SPACA6: variants seen among roughly 807,000 people sequenced by gnomAD.
SPACA6 encodes the protein sperm acrosome associated 6, also known as sperm acrosome membrane-associated protein 6.
For synonymous variants in SPACA6, 6 were observed against 1.5 expected (o/e 4.05, Z -2.21); for missense variants, 8 against 2.8 (o/e 2.88, Z -1.34).
At chr19:51,712,425 T>G (rs2083546444), downstream of SPACA6, 1 of 152,170 alleles carries the variant, frequency 6.6e-6, no homozygotes, top group Non-Finnish European at 1.5e-5. Context: ...GAACAGTTGT[T>G]TACAGGGAAA....
chr19:51,696,726 G>A (rs1479878273), intron 2 of SPACA6, among the ~76,000 whole-genome samples: 1 of 152,154 alleles, frequency 6.6e-6, no homozygotes, highest in African/African-American at 2.4e-5. Flanking sequence ...TGGGATTACA[G>A]GCATGAACTA....
At chr19:51,710,611 G>A (rs1281951249) in intron 2 of SPACA6, among the ~76,000 whole-genome samples, 1 of 152,186 alleles carries the variant, frequency 6.6e-6, no homozygotes, top group Non-Finnish European at 1.5e-5. Flanking sequence ...TAAGGGCGAA[G>A]TCTGGTCTGA....
At chr19:51,683,613 C>A in the SPACA6 span, among the ~76,000 whole-genome samples, 3 of 152,164 alleles carry the variant, frequency 2.0e-5, no homozygotes, top group African/African-American at 7.2e-5. Flanking sequence ...ATATAAAATT[C>A]TGTGCATGTG....
At chr19:51,696,027 C>G (rs367891670) in intron 2 of SPACA6, among the ~76,000 whole-genome samples, 1 of 152,054 alleles carries the variant, frequency 6.6e-6, no homozygotes, top group Non-Finnish European at 1.5e-5. Flanking sequence ...TTTGAGGGGT[C>G]CCAGGGACGT....
At chr19:51,710,966 G>C (rs2083538654) in intron 2 of SPACA6, among the ~76,000 whole-genome samples, 1 of 152,218 alleles carries the variant, frequency 6.6e-6, no homozygotes, top group Non-Finnish European at 1.5e-5. Context: ...TGTAATCCCA[G>C]CTACTTGGGA....
chr19:51,702,348 C>G (rs1372070365), intron 3 of SPACA6, among the ~76,000 whole-genome samples: 1 of 151,570 alleles, frequency 6.6e-6, no homozygotes, highest in African/African-American at 2.4e-5. Context: ...ACCTGGATTG[C>G]CCATCCCCAT....
the SPACA6 span, among the ~76,000 whole-genome samples, chr19:51,683,091 C>T: frequency 1.3e-5 from 2 of 152,110 alleles, no homozygotes; most frequent in South Asian, 4.2e-4. Flanking sequence ...GATGTGGAGG[C>T]TAGAAGTTAG....
intron 2 of SPACA6, among the ~76,000 whole-genome samples, chr19:51,697,890 T>A (rs1462035023): frequency 6.6e-6 from 1 of 152,138 alleles, no homozygotes; most frequent in Non-Finnish European, 1.5e-5. Flanking sequence ...TTCTCTAATC[T>A]CCCCATGCCT....
chr19:51,687,590 G>A (rs1349289571), upstream of SPACA6: 1 of 152,006 alleles, frequency 6.6e-6, no homozygotes, highest in African/African-American at 2.4e-5. Context: ...AAATTCCTCT[G>A]GAAAGATACA....
At chr19:51,694,287 G>A (rs573524326) in intron 1 of SPACA6, 191 bp from the exon 2 acceptor site, 9 of 391,876 alleles carry the variant, frequency 2.3e-5, no homozygotes, top group Non-Finnish European at 3.6e-5. Context: ...GCGACTGGTC[G>A]GGGGCAGAGA....
At chr19:51,708,812 G>A (rs2083528353), downstream of SPACA6, among the ~76,000 whole-genome samples, 1 of 151,482 alleles carries the variant, frequency 6.6e-6, no homozygotes, top group Non-Finnish European at 1.5e-5. Context: ...GGGCAACAGA[G>A]TGAGACAATG....
chr19:51,698,611 C>A (rs1167307843), intron 2 of SPACA6, among the ~76,000 whole-genome samples: 1 of 152,164 alleles, frequency 6.6e-6, no homozygotes, highest in Admixed American at 6.5e-5. Flanking sequence ...CAAGGAGAGA[C>A]CACTGGGTCC....
At chr19:51,692,782 G>A (rs749103835), upstream of SPACA6, 2 of 534,246 alleles carry the variant, frequency 3.7e-6, no homozygotes, top group Non-Finnish European at 7.7e-6. The surrounding 1 kb of genome is among the most constrained non-coding windows in gnomAD (Gnocchi z 5.6). Context: ...CACCTGCCGC[G>A]CCCCCCGGGC....
downstream of SPACA6, among the ~76,000 whole-genome samples, chr19:51,710,330 T>A (rs985634070): frequency 5.9e-5 from 9 of 152,208 alleles, no homozygotes; most frequent in African/African-American, 2.2e-4. Context: ...TTTTGGTGAC[T>A]GATGAATCAA....
upstream of SPACA6, among the ~76,000 whole-genome samples, chr19:51,684,711 A>T (rs193038151): frequency 4.3e-3 from 659 of 152,326 alleles, 3 homozygotes; most frequent in Middle Eastern, 0.014. Flanking sequence ...TGATGAGCTT[A>T]AAAAAATTTG....
intron 2 of SPACA6, among the ~76,000 whole-genome samples, chr19:51,697,342 C>G (rs1246083862): frequency 6.6e-6 from 1 of 152,132 alleles, no homozygotes; most frequent in Admixed American, 6.5e-5. Flanking sequence ...TTGGACCAGT[C>G]ACAGTGGTCC....
chr19:51,700,108 G>T (rs560034630), intron 2 of SPACA6, among the ~76,000 whole-genome samples: 2 of 152,062 alleles, frequency 1.3e-5, no homozygotes, highest in East Asian at 1.9e-4. Flanking sequence ...ATAAAAATTC[G>T]CCGAGCATGG....
At position 51,705,103 on chromosome 19, in the gene SPACA6, T is replaced by G; in HGVS notation, c.955T>G (p.Trp319Gly). ...ATVLAWMFFR[W>G]YCSGN ...TTGTTTCCCCAGGATGTTCTTTCGA[T>G]GGTACTGCAGTGGCAACTAACAAAG... The change falls in exon 9 of 9, where the codon TGG becomes GGG. Residue 319 changes from tryptophan (W) to glycine (G), a missense_variant. Trp to Gly is a radical substitution (Grantham distance 184). Transcript: ENST00000637797. The G allele has an allele frequency of 2.5e-6, 1 of 401,324 alleles. No homozygotes were observed. The highest frequency in any genetic ancestry group is 4.4e-6 in the Non-Finnish European group (1 of 226,276). The allele number at this position is 401,324 out of a possible 1,614,324, so 24.9% of individuals were successfully genotyped here.
Position 51,704,327 on chromosome 19 carries a change from TGCGCTGGGCGCC to T in SPACA6, c.792_803del (p.Trp265_Arg268del). 1 of 400,792 alleles carries T rather than the reference TGCGCTGGGCGCC, an allele frequency of 2.5e-6. No homozygotes were observed. The highest frequency in any genetic ancestry group is 1.3e-4 in the South Asian group (1 of 7,958). The allele number at this position is 400,792 out of a possible 1,614,324, so 24.8% of individuals were successfully genotyped here. A position where few individuals can be genotyped will look rare whatever the true frequency, so the allele number is the denominator to read the frequency against. ...TTGCAGGCCTCGTTCCGGGAAGTGC[TGCGCTGGGCGCC>T]GCGGGATGCCGAGCTGATCGAGCCC... is the stretch of plus-strand genomic sequence containing the variant. On this transcript the variant is annotated inframe_deletion, in exon 8 of 9. Coordinates refer to ENST00000637797, the MANE Select transcript of SPACA6 (RefSeq NM_001316972.2).
Sources: gnomAD v4.1 joint callset for allele counts (sites outside exome capture counted in the v4.1 genomes callset) on GRCh38, gnomAD v4.1.1 for gene constraint, Gnocchi (gnomAD v3.1) non-coding constraint, MANE v1.5 for transcripts, NCBI Gene and HGNC (gene_info 2026-07-23, HGNC 2026-07-21) for gene names.